The following ANO7 variants were observed in gnomAD, a reference collection of about 807,000 sequenced individuals.
ANO7 encodes anoctamin 7, also known as anoctamin-7.
Under a neutral mutation model 115.8 loss-of-function variants are expected in ANO7, and 114 were observed. That is an observed-to-expected ratio of 0.98 (90% CI 0.85 to 1.15). ANO7 has a LOEUF of 1.15. Among genes scored for constraint, ANO7 ranks in the 50% most tolerant of loss-of-function variants. The probability of loss-of-function intolerance (pLI) is 0.00; values close to 1 mark genes in which losing one functional copy is unlikely to be tolerated. For synonymous variants in ANO7, 550 were observed against 498.2 expected (o/e 1.10, Z -1.38); for missense variants, 1,302 against 1,201.2 (o/e 1.08, Z -1.24).
chr2:241,204,671 C>T (rs1347000757), intron 9 of ANO7, among the ~76,000 whole-genome samples, 194 bp from the exon 10 acceptor site: 1 of 152,080 alleles, frequency 6.6e-6, no homozygotes, highest in African/African-American at 2.4e-5. Flanking sequence ...GAGTCTAGGG[C>T]AGAGGCCCAG....
intron 7 of ANO7, among the ~76,000 whole-genome samples, chr2:241,201,743 G>A (rs1368366711): frequency 6.6e-6 from 1 of 152,226 alleles, no homozygotes; most frequent in Non-Finnish European, 1.5e-5. Context: ...CAGGAGGCCT[G>A]TTCCTGAGGC....
chr2:241,226,664 T>C (rs1235853746), downstream of ANO7, among the ~76,000 whole-genome samples: 1 of 152,172 alleles, frequency 6.6e-6, no homozygotes, highest in Non-Finnish European at 1.5e-5. Flanking sequence ...GACCTCGTGA[T>C]CCGCCCACCT....
downstream of ANO7, chr2:241,230,121 G>A (rs765173684): frequency 1.6e-5 from 25 of 1,589,380 alleles, no homozygotes; most frequent in East Asian, 1.8e-4. This position sits in a 1 kb window ranked among gnomAD's most constrained non-coding sequence, Gnocchi z 5.0. Context: ...GTGCCAGGGC[G>A]CCTCAGGGCT....
chr2:241,201,329 T>C lies in ANO7; in HGVS notation c.586T>C (p.Phe196Leu). Residue 196 changes from phenylalanine to leucine, a missense_variant, in exon 7 of 25, where the codon TTC becomes CTC. Transcript: ENST00000674324. ...FLGSDNQDTF[F>L]TSTKRHQILF... Reference sequence around the variant, plus strand: ...CGGGAGTGACAACCAGGACACCTTCTTCACAAGCACCAAGAGGCACCAAAT... The same window carrying C: ...CGGGAGTGACAACCAGGACACCTTCCTCACAAGCACCAAGAGGCACCAAAT... 6.2e-7 allele frequency: 1 copy of C among 1,613,300 alleles called. No individual in the cohort carries two copies. The highest frequency in any genetic ancestry group is 8.5e-7 in the Non-Finnish European group (1 of 1,179,782).
intron 3 of ANO7, among the ~76,000 whole-genome samples, chr2:241,193,267 G>A (rs1263205351): frequency 1.3e-5 from 2 of 151,886 alleles, no homozygotes; most frequent in African/African-American, 4.8e-5. Flanking sequence ...ACGGGGTTTC[G>A]CCATGTTGGT....
At position 241,198,654 on chromosome 2, in the gene ANO7, C is replaced by T. The variant is rs892968869; in HGVS notation, c.310-662C>T. Among the ~76,000 whole-genome samples the T allele has an allele frequency of 2.6e-5, 4 of 152,210 alleles. No homozygotes were observed. The East Asian group carries it at 7.7e-4, about 29-fold the overall frequency. On this transcript the variant is annotated intron_variant, in intron 4 of 24. Coordinates refer to ENST00000674324, the MANE Select transcript of ANO7 (RefSeq NM_001370694.2). The stretch of plus-strand genomic sequence containing the variant: ...CCAAGGTGGGGCCGGGACTTTGGCA[C>T]TTAGGGAACCCCAGATGGCTGTGAG...
downstream of ANO7, chr2:241,230,058 A>G (rs1293337045): frequency 6.3e-7 from 1 of 1,583,238 alleles, no homozygotes; most frequent in East Asian, 2.2e-5. This position sits in a 1 kb window ranked among gnomAD's most constrained non-coding sequence, Gnocchi z 5.0. Context: ...CTCTGGAAAC[A>G]CAAGTGCCAC....
At chr2:241,217,565 C>A (rs1326339150) in intron 19 of ANO7, 121 bp from the exon 20 acceptor site, 9 of 1,146,488 alleles carry the variant, frequency 7.9e-6, no homozygotes, top group African/African-American at 1.6e-5. Context: ...GAGGTGGGGG[C>A]GGAATGAGCC....
Position 241,218,299 on chromosome 2 carries a change from G to T in ANO7, c.2239G>T (p.Ala747Ser). 6.5e-7 allele frequency: 1 copy of T among 1,535,190 alleles called. No homozygotes were observed. Among genetic ancestry groups the T allele is most frequent in the Non-Finnish European group, 8.7e-7 (1 of 1,148,678 alleles). The change falls in exon 21 of 25, where the codon GCC (alanine) becomes TCC (serine). Residue 747 changes from alanine to serine, a missense_variant. By Grantham distance (99) the Ala-to-Ser change is moderately conservative. Coordinates refer to ENST00000674324, the MANE Select transcript of ANO7 (RefSeq NM_001370694.2). Reference protein sequence around the residue: ...LPRAYYRWTRAHDLRGFLNFT... With the variant: ...LPRAYYRWTRSHDLRGFLNFT... Reference sequence around the variant, plus strand: ...GCGCGCCTACTACCGGTGGACCCGCGCCCACGACCTGCGCGGCTTCCTCAA... The same window carrying T: ...GCGCGCCTACTACCGGTGGACCCGCTCCCACGACCTGCGCGGCTTCCTCAA...
chr2:241,226,464 A>G (rs1303416886), downstream of ANO7, among the ~76,000 whole-genome samples: 9 of 150,972 alleles, frequency 6.0e-5, no homozygotes, highest in South Asian at 2.1e-4. Flanking sequence ...TCGCTCTGTC[A>G]CCCAGGCTGG....
chr2:241,199,058 A>G, intron 4 of ANO7: 1 of 468,086 alleles, frequency 2.1e-6, no homozygotes. Flanking sequence ...GCTGCAGGTG[A>G]CGCCGGTCCC....
At position 241,200,112 on chromosome 2, in the gene ANO7, C is replaced by T. The variant is rs763194116; in HGVS notation, c.441C>T (p.Asn147=). ...AGGAGTTACCCAACCAGGCCTCCAA[C>T]TGGTCGGCCGGCCTGCTGGCATGGC... ...PLQELPNQAS[N]WSAGLLAWLG... is the part of the protein sequence containing the mutation. Residue 147 remains asparagine (N), a synonymous_variant, in exon 6 of 25, where the codon AAC becomes AAT. Coordinates refer to ENST00000674324, the MANE Select transcript of ANO7 (RefSeq NM_001370694.2). 2.5e-6 allele frequency: 4 copies of T among 1,613,004 alleles called. No homozygotes were observed. Among genetic ancestry groups the T allele is most frequent in the Non-Finnish European group, 3.4e-6 (4 of 1,179,992 alleles).
At chr2:241,218,173 G>A in intron 20 of ANO7, 66 bp from the exon 21 acceptor site, 1 of 1,062,188 alleles carries the variant, frequency 9.4e-7, no homozygotes, top group East Asian at 5.3e-5. Flanking sequence ...GGGGCGCGCA[G>A]GGGCGGAGCG....
chr2:241,236,823 C>G, the ANO7 span: 1 of 1,583,842 alleles, frequency 6.3e-7, no homozygotes, highest in South Asian at 1.1e-5. Context: ...AGACCCCACA[C>G]CTTGTTCAGA....
chr2:241,201,054 C>T (rs2068457992), intron 6 of ANO7, among the ~76,000 whole-genome samples: 1 of 152,228 alleles, frequency 6.6e-6, no homozygotes, highest in Non-Finnish European at 1.5e-5. Context: ...TGGGGGCCTG[C>T]TGTGGCCTCC....
At chr2:241,213,027 T>C (rs1232445140) in intron 17 of ANO7, among the ~76,000 whole-genome samples, 1 of 152,112 alleles carries the variant, frequency 6.6e-6, no homozygotes, top group African/African-American at 2.4e-5. Flanking sequence ...TCCCAGCCCG[T>C]ATTACTCTTT....
intron 16 of ANO7, 80 bp downstream of exon 16, chr2:241,212,285 C>A (rs1351798390): frequency 1.5e-6 from 2 of 1,364,624 alleles, no homozygotes; most frequent in East Asian, 2.3e-5. Flanking sequence ...GGGTACCAGG[C>A]GTCATCCAGC....
At chr2:241,220,580 C>T (rs1264185726) in intron 21 of ANO7, among the ~76,000 whole-genome samples, 3 of 152,178 alleles carry the variant, frequency 2.0e-5, no homozygotes, top group African/African-American at 7.2e-5. Flanking sequence ...GCCTATGTTC[C>T]CAGCACTTTG....
At chr2:241,229,986 G>A (rs1197055764), downstream of ANO7, 5 of 1,582,550 alleles carry the variant, frequency 3.2e-6, no homozygotes, top group South Asian at 3.5e-5. Flanking sequence ...CAGGAAGACA[G>A]GGTCAGTCTG....
Sources: allele counts gnomAD v4.1 joint callset (sites outside exome capture counted in the v4.1 genomes callset), GRCh38; gene constraint gnomAD v4.1.1; non-coding constraint Gnocchi (gnomAD v3.1); transcripts MANE v1.5; gene names NCBI Gene and HGNC (gene_info 2026-07-23, HGNC 2026-07-21).